Variants in EPB41L3 observed in about 807,000 individuals in gnomAD.
The protein encoded by EPB41L3 is erythrocyte membrane protein band 4.1 like 3, also known as band 4.1-like protein 3.
Under a neutral mutation model 127.1 loss-of-function variants are expected in EPB41L3, and 57 were observed. The observed-to-expected ratio is 0.45, with a 90% CI of 0.36 to 0.56. The LOEUF (loss-of-function observed/expected upper bound fraction) is 0.56. Among genes scored for constraint, EPB41L3 ranks in the 20% least tolerant of loss-of-function variants. The pLI is 0.00. For synonymous variants in EPB41L3, 572 were observed against 549.5 expected, an observed-to-expected ratio of 1.04 and a Z score of -0.57; for missense variants, 1,273 against 1,372.2, an observed-to-expected ratio of 0.93 and a Z score of 1.14.
intron 3 of EPB41L3, among the ~76,000 whole-genome samples, chr18:5,472,901 A>T (rs2086422246): frequency 6.6e-6 from 1 of 152,194 alleles, no homozygotes; most frequent in African/African-American, 2.4e-5. Context: ...ATACTTCCAT[A>T]AATTTCCTTA....
intron 3 of EPB41L3, among the ~76,000 whole-genome samples, chr18:5,550,792 C>T (rs2093953319): frequency 6.6e-6 from 1 of 152,160 alleles, no homozygotes; most frequent in African/African-American, 2.4e-5. Context: ...TTTGAGGTAG[C>T]AACTCAAGCA....
intron 19 of EPB41L3, 89 bp downstream of exon 19, chr18:5,396,112 T>C (rs993926303): frequency 1.3e-6 from 2 of 1,493,968 alleles, no homozygotes; most frequent in African/African-American, 2.8e-5. Context: ...GTCTCATGAA[T>C]TAAATATCGT....
chr18:5,424,400 T>A, intron 9 of EPB41L3, 41 bp from the exon 10 acceptor site: 2 of 1,474,318 alleles, frequency 1.4e-6, no homozygotes. Flanking sequence ...AGTTTAAAAT[T>A]ATAAATAACA....
At chr18:5,483,260 T>C (rs939251794) in intron 2 of EPB41L3, among the ~76,000 whole-genome samples, 1 of 152,158 alleles carries the variant, frequency 6.6e-6, no homozygotes, top group African/African-American at 2.4e-5. Context: ...CTAAGATAAG[T>C]TGTCATTTGT....
At position 5,400,278 on chromosome 18, in the gene EPB41L3, G is replaced by GT. The variant is rs2074292031; in HGVS notation, c.2350-2136dup. The GT allele has an allele frequency of 1.2e-5, 3 of 253,078 alleles. No individual in the cohort carries two copies. In the South Asian group the frequency reaches 1.2e-4, roughly 10 times the overall value. 15.7% of individuals were successfully genotyped at this position (253,078 alleles called of 1,614,324 possible). Reference sequence around the variant, plus strand: ...GGGAGGCATAATACAATATGACCAGGTAGGTTAATAGCTTCACAGATTACA... The same window carrying GT: ...GGGAGGCATAATACAATATGACCAGGTTAGGTTAATAGCTTCACAGATTACA... On this transcript the variant is annotated intron_variant, in intron 16 of 22. Transcript: ENST00000341928.
At chr18:5,504,562 AT>A (rs796129960) in intron 1 of EPB41L3, among the ~76,000 whole-genome samples, 2 of 152,186 alleles carry the variant, frequency 1.3e-5, no homozygotes, top group Non-Finnish European at 2.9e-5. Flanking sequence ...GGAACCCAGC[AT>A]TTTTACAGCT....
chr18:5,549,875 CAT>C (rs1158347812), intron 3 of EPB41L3, among the ~76,000 whole-genome samples: 1 of 151,904 alleles, frequency 6.6e-6, no homozygotes, highest in Non-Finnish European at 1.5e-5. Flanking sequence ...CCCACTCAGA[CAT>C]ATACGAGAGC....
intron 1 of EPB41L3, among the ~76,000 whole-genome samples, chr18:5,496,976 G>C (rs760901624): frequency 6.6e-6 from 1 of 152,184 alleles, no homozygotes; most frequent in Non-Finnish European, 1.5e-5. Flanking sequence ...GGAAATAGCT[G>C]GCTGCTCTAG....
chr18:5,586,461 A>G (rs2094443019), intron 3 of EPB41L3, among the ~76,000 whole-genome samples: 1 of 149,914 alleles, frequency 6.7e-6, no homozygotes, highest in Non-Finnish European at 1.5e-5. Flanking sequence ...GTGCAGTGGC[A>G]TAATCATGGC....
intron 16 of EPB41L3, chr18:5,400,961 G>C: frequency 1.3e-6 from 2 of 1,522,196 alleles, no homozygotes; most frequent in Non-Finnish European, 1.8e-6. Context: ...TTTATGTTTG[G>C]TTTTTACCTG....
chr18:5,444,615 C>T (rs2081232187), intron 4 of EPB41L3, among the ~76,000 whole-genome samples: 2 of 152,178 alleles, frequency 1.3e-5, no homozygotes, highest in African/African-American at 4.8e-5. Context: ...ACATATTAGA[C>T]AAGTGTCAGG....
chr18:5,411,065 G>A (rs183467148), intron 13 of EPB41L3, among the ~76,000 whole-genome samples: 115 of 152,266 alleles, frequency 7.6e-4, no homozygotes, highest in Middle Eastern at 3.4e-3. Flanking sequence ...TACAGAAAAA[G>A]CTACTGTAAC....
At chr18:5,409,382 G>A (rs1380484334) in intron 14 of EPB41L3, among the ~76,000 whole-genome samples, 1 of 152,136 alleles carries the variant, frequency 6.6e-6, no homozygotes, top group East Asian at 1.9e-4. Context: ...GTACTACCCT[G>A]TGGCTACATG....
intron 12 of EPB41L3, among the ~76,000 whole-genome samples, chr18:5,418,448 C>T (rs889100230): frequency 1.2e-4 from 18 of 152,172 alleles, no homozygotes; most frequent in African/African-American, 2.7e-4. Context: ...GTTGGCATGG[C>T]GAGTTTATAA....
intron 3 of EPB41L3, among the ~76,000 whole-genome samples, chr18:5,476,905 G>C (rs2147864676): frequency 6.6e-6 from 1 of 152,260 alleles, no homozygotes; most frequent in Non-Finnish European, 1.5e-5. Context: ...ACGGTCCTTG[G>C]GGATTCCTGC....
intron 2 of EPB41L3, among the ~76,000 whole-genome samples, chr18:5,488,183 T>C (rs969515994): frequency 1.3e-5 from 2 of 152,108 alleles, no homozygotes; most frequent in Non-Finnish European, 1.5e-5. Flanking sequence ...TAGATGTGTA[T>C]AGGGAGGGAA....
intron 1 of EPB41L3, among the ~76,000 whole-genome samples, chr18:5,619,060 C>T (rs887778729): frequency 5.3e-5 from 8 of 152,118 alleles, no homozygotes; most frequent in African/African-American, 1.7e-4. Flanking sequence ...TACAACACCA[C>T]ACTGTAATGA....
At chr18:5,513,953 C>T (rs2092650305) in intron 1 of EPB41L3, among the ~76,000 whole-genome samples, 1 of 152,114 alleles carries the variant, frequency 6.6e-6, no homozygotes, top group Non-Finnish European at 1.5e-5. Context: ...AAAGCCAAAG[C>T]TGCATTCTAA....
chr18:5,514,105 T>C (rs2092656567), intron 1 of EPB41L3, among the ~76,000 whole-genome samples: 1 of 152,214 alleles, frequency 6.6e-6, no homozygotes, highest in Non-Finnish European at 1.5e-5. Context: ...ATTACAACTG[T>C]GAACAGCAAC....
Sources: allele counts gnomAD v4.1 joint callset (sites outside exome capture counted in the v4.1 genomes callset), GRCh38; gene constraint gnomAD v4.1.1; transcripts MANE v1.5; gene names NCBI Gene and HGNC (gene_info 2026-07-23, HGNC 2026-07-21).